SGCD: variants seen among roughly 807,000 people sequenced by gnomAD.
SGCD encodes the protein sarcoglycan delta.
SGCD carries 18 observed loss-of-function variants against 36.6 expected under a neutral mutation model. The ratio of observed to expected loss-of-function variants is 0.49; its 90% confidence interval spans 0.34 to 0.73. The LOEUF is 0.73. Ranked by LOEUF, SGCD falls within the 30% of genes least tolerant of loss-of-function variation. The probability of loss-of-function intolerance (pLI) is 0.01; values close to 1 mark genes in which losing one functional copy is unlikely to be tolerated. For synonymous variants in SGCD, 133 were observed against 130.6 expected (o/e 1.02, Z -0.12); for missense variants, 387 against 346.7 (o/e 1.12, Z -0.92).
chr5:156,516,224 C>A (rs1171872498), intron 4 of SGCD, among the ~76,000 whole-genome samples: 2 of 152,070 alleles, frequency 1.3e-5, no homozygotes, highest in African/African-American at 4.8e-5. Context: ...AGGTGAGACC[C>A]CCCACACACA....
chr5:156,480,356 A>G (rs1299426588), intron 3 of SGCD, among the ~76,000 whole-genome samples: 2 of 152,198 alleles, frequency 1.3e-5, no homozygotes, highest in Admixed American at 1.3e-4. Flanking sequence ...TTCACTCATG[A>G]TAGCAAAATG....
chr5:156,174,871 G>T (rs1454191022), intron 3 of SGCD, among the ~76,000 whole-genome samples: 1 of 152,172 alleles, frequency 6.6e-6, no homozygotes, highest in East Asian at 1.9e-4. Context: ...AAGGGAGAGA[G>T]AACGTAAGTT....
intron 1 of SGCD, among the ~76,000 whole-genome samples, chr5:155,974,868 A>G (rs1758078313): frequency 6.6e-6 from 1 of 151,850 alleles, no homozygotes; most frequent in South Asian, 2.1e-4. Flanking sequence ...TGGTCCTTCT[A>G]TCCTGGACCT....
chr5:156,392,173 A>G (rs1348931907), intron 3 of SGCD, among the ~76,000 whole-genome samples: 2 of 152,222 alleles, frequency 1.3e-5, no homozygotes, highest in Non-Finnish European at 2.9e-5. Context: ...TAACAGTGAT[A>G]GATAGCAACA....
chr5:156,116,215 T>C (rs1002968448), intron 1 of SGCD, among the ~76,000 whole-genome samples: 5 of 151,908 alleles, frequency 3.3e-5, no homozygotes, highest in Non-Finnish European at 7.4e-5. Context: ...CAATAAGAGG[T>C]TTTCTGTCTC....
intron 3 of SGCD, among the ~76,000 whole-genome samples, chr5:156,304,203 G>A (rs1767137929): frequency 1.3e-5 from 2 of 152,160 alleles, no homozygotes; most frequent in Admixed American, 6.5e-5. Flanking sequence ...CACCCACTGA[G>A]TTCTGCTTTA....
intron 7 of SGCD, among the ~76,000 whole-genome samples, chr5:156,669,023 G>A (rs1432223347): frequency 1.3e-5 from 2 of 152,148 alleles, no homozygotes; most frequent in Non-Finnish European, 1.5e-5. Context: ...CTAGAGGAAG[G>A]GTGAATGGTT....
At chr5:155,785,931 A>G in the SGCD span, among the ~76,000 whole-genome samples, 2 of 152,158 alleles carry the variant, frequency 1.3e-5, no homozygotes, top group African/African-American at 2.4e-5. Flanking sequence ...ACTGTTTACC[A>G]TATACTTTTC....
At chr5:156,423,853 C>T (rs1258072123) in intron 3 of SGCD, among the ~76,000 whole-genome samples, 2 of 151,978 alleles carry the variant, frequency 1.3e-5, no homozygotes, top group Admixed American at 6.6e-5. Flanking sequence ...ATTAACAGTG[C>T]GTACCTCCAA....
At chr5:156,144,635 C>T (rs916729837) in intron 3 of SGCD, among the ~76,000 whole-genome samples, 1 of 152,106 alleles carries the variant, frequency 6.6e-6, no homozygotes, top group African/African-American at 2.4e-5. Flanking sequence ...TTCTGGATAT[C>T]AGCCCTTTGT....
chr5:155,798,787 T>C, the SGCD span, among the ~76,000 whole-genome samples: 1 of 152,330 alleles, frequency 6.6e-6, no homozygotes, highest in East Asian at 1.9e-4. Flanking sequence ...CTGTGTCCTG[T>C]GTCTGCTGCC....
chr5:155,978,894 T>C (rs1758174123), intron 1 of SGCD, among the ~76,000 whole-genome samples: 1 of 152,086 alleles, frequency 6.6e-6, no homozygotes, highest in Non-Finnish European at 1.5e-5. Context: ...TACAGTGTAT[T>C]TATAGCAAGA....
intron 1 of SGCD, among the ~76,000 whole-genome samples, chr5:156,048,496 C>A (rs1378458233): frequency 6.6e-6 from 1 of 152,166 alleles, no homozygotes; most frequent in African/African-American, 2.4e-5. Flanking sequence ...TGTTTCCTGA[C>A]TTTTTAATGA....
At chr5:156,271,252 T>C (rs1034156608) in intron 3 of SGCD, among the ~76,000 whole-genome samples, 1 of 152,186 alleles carries the variant, frequency 6.6e-6, no homozygotes, top group South Asian at 2.1e-4. Context: ...TAAAACACCA[T>C]GGCATATAGA....
chr5:155,834,417 T>TA, the SGCD span, among the ~76,000 whole-genome samples: 1 of 152,184 alleles, frequency 6.6e-6, no homozygotes, highest in Non-Finnish European at 1.5e-5. Context: ...ATTGAAAGGA[T>TA]AAAAAGTAAA....
At chr5:156,608,906 C>T (rs1761630231) in intron 6 of SGCD, among the ~76,000 whole-genome samples, 1 of 152,006 alleles carries the variant, frequency 6.6e-6, no homozygotes, top group Non-Finnish European at 1.5e-5. Context: ...GGTAGATCTT[C>T]CTCCATCCCT....
chr5:155,925,543 A>G (rs1469021855), intron 1 of SGCD, among the ~76,000 whole-genome samples: 1 of 152,078 alleles, frequency 6.6e-6, no homozygotes, highest in East Asian at 1.9e-4. Flanking sequence ...CTGTTTTTAC[A>G]TGGCTGCCTT....
intron 1 of SGCD, among the ~76,000 whole-genome samples, chr5:156,114,195 A>T (rs1379179117): frequency 6.6e-6 from 1 of 152,138 alleles, no homozygotes; most frequent in Non-Finnish European, 1.5e-5. Flanking sequence ...CAATTGTAAG[A>T]AATGTAGCAC....
chr5:156,403,548 A>G (rs1772263336), intron 3 of SGCD, among the ~76,000 whole-genome samples: 1 of 152,154 alleles, frequency 6.6e-6, no homozygotes, highest in African/African-American at 2.4e-5. Context: ...TGATAGGTGG[A>G]GGAATGTTTG....
Sources: gnomAD v4.1 joint callset for allele counts (sites outside exome capture counted in the v4.1 genomes callset) on GRCh38, gnomAD v4.1.1 for gene constraint, MANE v1.5 for transcripts, NCBI Gene and HGNC (gene_info 2026-07-23, HGNC 2026-07-21) for gene names.